ULK4: variants seen among roughly 807,000 people sequenced by gnomAD.
The protein encoded by ULK4 is inactive serine/threonine-protein kinase ULK4.
ULK4 carries 133 observed loss-of-function variants against 160.6 expected under a neutral mutation model. The ratio of observed to expected loss-of-function variants is 0.83; its 90% CI spans 0.72 to 0.96. The LOEUF (loss-of-function observed/expected upper bound fraction) is 0.96, where lower values mean the gene tolerates loss of function less well. Among genes scored for constraint, ULK4 ranks in the 40% least tolerant of loss-of-function variants. The pLI is 0.00. For missense variants in ULK4, 1,580 were observed against 1,499.5 expected (o/e 1.05, Z -0.89); for synonymous variants, 534 against 539.8 (o/e 0.99, Z 0.15).
At chr3:41,569,254 A>G (rs1449054883) in intron 31 of ULK4, among the ~76,000 whole-genome samples, 1 of 152,086 alleles carries the variant, frequency 6.6e-6, no homozygotes, top group Non-Finnish European at 1.5e-5. Flanking sequence ...ACTTAACCTC[A>G]GCCCCTCTCC....
intron 27 of ULK4, among the ~76,000 whole-genome samples, chr3:41,684,863 G>C (rs1293342571): frequency 6.6e-6 from 1 of 152,142 alleles, no homozygotes; most frequent in Non-Finnish European, 1.5e-5. Context: ...TTTTTAAAAG[G>C]TTTAAATTAA....
At chr3:41,804,575 G>A (rs1382597950) in intron 19 of ULK4, among the ~76,000 whole-genome samples, 4 of 151,420 alleles carry the variant, frequency 2.6e-5, no homozygotes, top group Admixed American at 6.6e-5. Flanking sequence ...TGTCCTGAAT[G>A]GTATTGCCTA....
At chr3:41,930,284 A>C (rs541156536) in intron 5 of ULK4, among the ~76,000 whole-genome samples, 1 of 152,206 alleles carries the variant, frequency 6.6e-6, no homozygotes, top group South Asian at 2.1e-4. Flanking sequence ...CTGGCTAGCC[A>C]TATGCAGAAA....
At chr3:41,729,275 C>T (rs1457003244) in intron 22 of ULK4, among the ~76,000 whole-genome samples, 1 of 152,200 alleles carries the variant, frequency 6.6e-6, no homozygotes, top group Non-Finnish European at 1.5e-5. Context: ...CCCCCAGTAG[C>T]TCCCACGAAT....
rs200678292 is a variant in ULK4, at chr3:41,931,892, C to T, written c.493G>A (p.Asp165Asn). The change falls in exon 5 of 37, where the codon GAT becomes AAT. Residue 165 changes from aspartate to asparagine, a missense_variant. Coordinates refer to ENST00000301831, the MANE Select transcript of ULK4 (RefSeq NM_017886.4). ...TTCTTCAGGACATTTTCCCCATTAT[C>T]ACCTCCTCCTTCCTCTGCTGCCACC... ...ALVAAEEGGG[D>N]NGENVLKKSM... The T allele has an allele frequency of 3.5e-4, 569 of 1,614,118 alleles. 3 individuals are homozygous for T. In the South Asian group the frequency reaches 4.5e-3, roughly 13 times the overall value.
At chr3:41,722,208 C>T (rs570610939) in intron 22 of ULK4, among the ~76,000 whole-genome samples, 1 of 152,324 alleles carries the variant, frequency 6.6e-6, no homozygotes, top group East Asian at 1.9e-4. Context: ...GTACACAAAT[C>T]TTAAGAGAAA....
intron 34 of ULK4, among the ~76,000 whole-genome samples, chr3:41,420,475 C>CTTTCTTTTTTTTTTTTTTTTTT (rs2082636372): frequency 2.4e-5 from 1 of 41,182 alleles, no homozygotes; most frequent in Non-Finnish European, 4.1e-5. Context: ...CCAGTTCTTT[C>CTTTCTTTTTTTTTTTTTTTTTT]TTTTTTTTTT....
chr3:41,827,378 T>G (rs974773864), intron 18 of ULK4, among the ~76,000 whole-genome samples: 1 of 151,960 alleles, frequency 6.6e-6, no homozygotes, highest in South Asian at 2.1e-4. Flanking sequence ...AGGAGCTGGT[T>G]TTTTGAAAAG....
At chr3:41,327,835 A>C in intron 35 of ULK4, among the ~76,000 whole-genome samples, 1 of 152,222 alleles carries the variant, frequency 6.6e-6, no homozygotes, top group East Asian at 1.9e-4. Context: ...CATAAGAGGA[A>C]CCTTTTCAGA....
intron 35 of ULK4, among the ~76,000 whole-genome samples, chr3:41,272,201 G>A (rs2079149369): frequency 6.6e-6 from 1 of 152,184 alleles, no homozygotes; most frequent in Non-Finnish European, 1.5e-5. Context: ...ACAGGTGTGA[G>A]CCACTGTGCC....
At chr3:41,611,634 C>T (rs1019546508) in intron 31 of ULK4, among the ~76,000 whole-genome samples, 57 of 152,096 alleles carry the variant, frequency 3.7e-4, no homozygotes, top group African/African-American at 1.4e-3. Context: ...GGAGCATGGA[C>T]ACTCAAGTTT....
At position 41,743,349 on chromosome 3, in the gene ULK4, A is replaced by G. The variant is rs2038304842; in HGVS notation, c.2321+11012T>C. 1.3e-5 allele frequency among the ~76,000 whole-genome samples: 2 copies of G among 151,882 alleles called. 1 individual carries two copies. Among genetic ancestry groups the G allele is most frequent in the African/African-American group, 4.9e-5 (2 of 41,230 alleles). On this transcript the variant is annotated intron_variant, in intron 22 of 36. Transcript: ENST00000301831. ...ACTAAAAAGGAAAAAAAAAACTGTC[A>G]ACTACAAGTTCTAAATGCAGTAATC...
chr3:41,687,139 C>T (rs1172732897), intron 27 of ULK4, among the ~76,000 whole-genome samples: 1 of 151,968 alleles, frequency 6.6e-6, no homozygotes, highest in East Asian at 1.9e-4. Context: ...CTTTGGGAGG[C>T]CAAGGTGGGC....
intron 31 of ULK4, among the ~76,000 whole-genome samples, chr3:41,596,468 A>C (rs921095730): frequency 4.6e-5 from 7 of 152,086 alleles, no homozygotes; most frequent in Non-Finnish European, 8.8e-5. Flanking sequence ...AGGGCTTGAG[A>C]TGGGCAAAAT....
At chr3:41,813,673 T>C (rs1267657231) in intron 19 of ULK4, among the ~76,000 whole-genome samples, 1 of 152,210 alleles carries the variant, frequency 6.6e-6, no homozygotes, top group Non-Finnish European at 1.5e-5. Flanking sequence ...CAGTTATATT[T>C]TCTGGTTTTT....
At chr3:41,761,144 G>A (rs1219273053) in intron 21 of ULK4, among the ~76,000 whole-genome samples, 2 of 151,994 alleles carry the variant, frequency 1.3e-5, no homozygotes, top group Non-Finnish European at 2.9e-5. Flanking sequence ...TTGGGAAACT[G>A]GAATTGTTCT....
chr3:41,335,448 G>A (rs1464034687), intron 35 of ULK4, among the ~76,000 whole-genome samples: 1 of 151,930 alleles, frequency 6.6e-6, no homozygotes, highest in Non-Finnish European at 1.5e-5. Context: ...AGTTTAATGG[G>A]GTTGGAAATT....
chr3:41,309,884 C>G (rs947956775), intron 35 of ULK4, among the ~76,000 whole-genome samples: 9 of 143,426 alleles, frequency 6.3e-5, no homozygotes, highest in Non-Finnish European at 1.2e-4. Context: ...TAAATCTAAC[C>G]AATGCCTTTT....
chr3:41,617,113 A>G (rs2033013639), intron 30 of ULK4, among the ~76,000 whole-genome samples: 1 of 152,222 alleles, frequency 6.6e-6, no homozygotes, highest in Non-Finnish European at 1.5e-5. Flanking sequence ...AGGGGCTTAC[A>G]GACAAAACCC....
Sources: gnomAD v4.1 joint callset for allele counts (sites outside exome capture counted in the v4.1 genomes callset) on GRCh38, gnomAD v4.1.1 for gene constraint, MANE v1.5 for transcripts, NCBI Gene and HGNC (gene_info 2026-07-23, HGNC 2026-07-21) for gene names.